Variants in USP25 observed in about 807,000 individuals in gnomAD.
USP25 encodes the protein ubiquitin specific peptidase 25, also known as ubiquitin carboxyl-terminal hydrolase 25.
Under a neutral mutation model 158.5 loss-of-function variants are expected in USP25, and 85 were observed. The observed-to-expected ratio is 0.54, with a 90% CI of 0.45 to 0.64. USP25 has a LOEUF of 0.64. Ranked by LOEUF, USP25 falls within the 30% of genes least tolerant of loss-of-function variation. The pLI is 0.00. For missense variants in USP25, 1,242 were observed against 1,327.3 expected (o/e 0.94, Z 1.00); for synonymous variants, 464 against 460.4 (o/e 1.01, Z -0.10).
At chr21:15,778,900 G>A (rs1453093136) in intron 4 of USP25, among the ~76,000 whole-genome samples, 2 of 152,032 alleles carry the variant, frequency 1.3e-5, no homozygotes, top group African/African-American at 2.4e-5. Context: ...AGACTTAAAT[G>A]TTCTTTTCCT....
At chr21:15,863,684 A>G (rs1158058868) in intron 20 of USP25, among the ~76,000 whole-genome samples, 1 of 152,216 alleles carries the variant, frequency 6.6e-6, no homozygotes, top group Non-Finnish European at 1.5e-5. Context: ...AAGTTTAGAC[A>G]TATTTTACCG....
intron 10 of USP25, among the ~76,000 whole-genome samples, chr21:15,820,845 AACTAATATATAG>A: frequency 6.6e-6 from 1 of 152,050 alleles, no homozygotes; most frequent in East Asian, 1.9e-4. Flanking sequence ...AGCTGTGGCC[AACTAATATATAG>A]GAAGACCTCC....
Position 15,833,498 on chromosome 21 carries a change from A to G in USP25, c.2144A>G (p.Lys715Arg). 6.2e-7 allele frequency: 1 copy of G among 1,614,050 alleles called. No homozygotes were observed. The highest frequency in any genetic ancestry group is 8.5e-7 in the Non-Finnish European group (1 of 1,179,980). The change falls in exon 17 of 26, where the codon AAG becomes AGG. Residue 715 changes from lysine to arginine, a missense_variant. Around this residue, in one of 3 missense-constraint regions of USP25, gnomAD observed 608 missense variants for 605.2 expected, o/e 1.00. Coordinates refer to ENST00000400183, the MANE Select transcript of USP25 (RefSeq NM_001283041.3). ...AQLAQKALQE[K>R]LLASQKLRES... ...CTTGCCCAGAAAGCTTTGCAGGAAA[A>G]GCTTTTAGCGTCTCAGAAATTGAGA...
rs771513786 is a variant in USP25, at chr21:15,818,839, G to A, written c.1073G>A (p.Gly358Asp). ...CATTCAGAGAATTCAGGAAAATCAG[G>A]CCAAGAGGTGAGTTTAACATTTTCA... ...SLHSENSGKS[G>D]QEHWFTELPP... The change falls in exon 10 of 26, where the codon GGC becomes GAC. Residue 358 changes from glycine (G) to aspartate (D), a missense_variant. Physicochemically the swap from Gly to Asp is moderately conservative, Grantham distance 94 (BLOSUM62 -1). This residue lies in a region of USP25 where 627 missense variants were observed against 701.4 expected (regional missense o/e 0.89). Coordinates refer to ENST00000400183, the MANE Select transcript of USP25 (RefSeq NM_001283041.3). 1 of 1,613,540 alleles carries A rather than the reference G, an allele frequency of 6.2e-7. No individual in the cohort carries two copies. Among genetic ancestry groups the A allele is most frequent in the Non-Finnish European group, 8.5e-7 (1 of 1,179,650 alleles).
chr21:15,810,793 T>A (rs1489451965), intron 8 of USP25, among the ~76,000 whole-genome samples: 1 of 152,026 alleles, frequency 6.6e-6, no homozygotes, highest in Non-Finnish European at 1.5e-5. Context: ...AAACGTGCAC[T>A]ACACAGAGTA....
chr21:15,796,411 A>G (rs570111204), intron 5 of USP25, among the ~76,000 whole-genome samples: 7 of 151,518 alleles, frequency 4.6e-5, no homozygotes, highest in African/African-American at 1.7e-4. Context: ...AGCAGTGAGG[A>G]ATTTTGAGTA....
chr21:15,866,395 C>T (rs1332684991), intron 22 of USP25, 51 bp downstream of exon 22: 2 of 1,340,680 alleles, frequency 1.5e-6, no homozygotes, highest in South Asian at 1.6e-5. Context: ...TTCTGTAATT[C>T]ACTGATATTC....
intron 1 of USP25, among the ~76,000 whole-genome samples, chr21:15,746,186 T>TA (rs1047113350): frequency 9.9e-5 from 15 of 152,198 alleles, no homozygotes; most frequent in South Asian, 6.2e-4. Flanking sequence ...TGTATTTCCA[T>TA]ATACAATTCT....
chr21:15,796,234 T>C (rs2035856857), intron 5 of USP25, among the ~76,000 whole-genome samples: 1 of 151,486 alleles, frequency 6.6e-6, no homozygotes, highest in Non-Finnish European at 1.5e-5. Flanking sequence ...ATAGGGTCTT[T>C]GGGACTTGAA....
intron 19 of USP25, among the ~76,000 whole-genome samples, chr21:15,848,815 T>C (rs919923849): frequency 3.9e-5 from 6 of 152,242 alleles, no homozygotes; most frequent in African/African-American, 1.4e-4. Flanking sequence ...GTTAGATATA[T>C]TGCAATTCTC....
chr21:15,830,572 T>A lies in USP25; in HGVS notation c.1735T>A (p.Leu579Ile). 1 of 1,604,874 alleles carries A rather than the reference T, an allele frequency of 6.2e-7. No homozygotes were observed. Among genetic ancestry groups the A allele is most frequent in the Non-Finnish European group, 8.5e-7 (1 of 1,175,880 alleles). Residue 579 changes from leucine (L) to isoleucine (I), a missense_variant, in exon 15 of 26, where the codon TTA (leucine) becomes ATA (isoleucine). By Grantham distance (5) the Leu-to-Ile change is conservative. Around this residue, in one of 3 missense-constraint regions of USP25, gnomAD observed 627 missense variants for 701.4 expected, o/e 0.89. Coordinates refer to ENST00000400183, the MANE Select transcript of USP25 (RefSeq NM_001283041.3). ...ATCCAGAATCCATCGAACAATTGAA[T>A]TAATGTACTCTGACAAATCTATGAT... is the stretch of plus-strand genomic sequence containing the variant. ...SISRIHRTIELMYSDKSMIQV... is the reference protein window; with the variant it reads ...SISRIHRTIEIMYSDKSMIQV...
At chr21:15,736,914 C>CTTT (rs76186194) in intron 1 of USP25, among the ~76,000 whole-genome samples, 1 of 125,470 alleles carries the variant, frequency 8.0e-6, no homozygotes. Flanking sequence ...TGCCACTCTG[C>CTTT]TTTTTTTTTT....
At chr21:15,745,473 CTTTTTTTTT>C (rs11284817) in intron 1 of USP25, among the ~76,000 whole-genome samples, 4 of 112,988 alleles carry the variant, frequency 3.5e-5, no homozygotes, top group Non-Finnish European at 7.1e-5. Context: ...TTTTTCTTTT[CTTTTTTTTT>C]TTTTTTTTTT....
At chr21:15,804,440 T>C (rs1038811832) in intron 6 of USP25, among the ~76,000 whole-genome samples, 5 of 151,528 alleles carry the variant, frequency 3.3e-5, no homozygotes, top group Admixed American at 2.0e-4. Flanking sequence ...TCGATAACTT[T>C]AGATATAAAA....
At position 15,745,460 on chromosome 21, in the gene USP25, T is replaced by C. The variant is rs534331662; in HGVS notation, c.45+15022T>C. On this transcript the variant is annotated intron_variant, in intron 1 of 25. Transcript: ENST00000400183. ...GGTTAGTACTTTAACCATTTTCTTT[T>C]TCTTTTTCTTTTCTTTTTTTTTTTT... Among the ~76,000 whole-genome samples, 6 of 150,520 alleles carry C rather than the reference T, an allele frequency of 4.0e-5. No individual in the cohort carries two copies. In the South Asian group the frequency reaches 1.2e-3, roughly 31 times the overall value.
intron 23 of USP25, among the ~76,000 whole-genome samples, chr21:15,873,841 A>G (rs2039992361): frequency 6.6e-6 from 1 of 151,438 alleles, no homozygotes; most frequent in Admixed American, 6.6e-5. Flanking sequence ...GCTTTATTCC[A>G]CTAGGTTTCC....
intron 3 of USP25, among the ~76,000 whole-genome samples, chr21:15,777,495 GGTA>G (rs1336055229): frequency 2.0e-5 from 3 of 152,098 alleles, no homozygotes; most frequent in South Asian, 2.1e-4. Flanking sequence ...ATGTCTAGAT[GGTA>G]GTAGTATGGA....
intron 1 of USP25, among the ~76,000 whole-genome samples, chr21:15,744,483 G>C (rs761083298): frequency 6.6e-6 from 1 of 151,766 alleles, no homozygotes; most frequent in South Asian, 2.1e-4. Context: ...ACGCCACCAG[G>C]CCTGGCTAAT....
chr21:15,790,710 A>G (rs891494313), intron 4 of USP25, among the ~76,000 whole-genome samples: 5 of 151,452 alleles, frequency 3.3e-5, no homozygotes, highest in African/African-American at 7.3e-5. Flanking sequence ...TGAGCAGGCA[A>G]AATGCTTGGT....
Sources: gnomAD v4.1 joint callset for allele counts (sites outside exome capture counted in the v4.1 genomes callset) on GRCh38, gnomAD v4.1.1 for gene constraint, gnomAD v4.1.1 regional missense constraint, MANE v1.5 for transcripts, NCBI Gene and HGNC (gene_info 2026-07-23, HGNC 2026-07-21) for gene names.